The following KCNMA1 variants were observed in gnomAD, a reference collection of about 807,000 sequenced individuals.
KCNMA1 encodes the protein Calcium-activated potassium channel subunit alpha-1.
A neutral mutation model predicts 140.0 loss-of-function variants in KCNMA1; 29 were observed. The ratio of observed to expected loss-of-function variants is 0.21; its 90% CI spans 0.15 to 0.28. The LOEUF (loss-of-function observed/expected upper bound fraction) is 0.28, where lower values mean the gene tolerates loss of function less well. Ranked by LOEUF, KCNMA1 falls within the 10% of genes least tolerant of loss-of-function variation. KCNMA1 has a pLI of 1.00. For synonymous variants in KCNMA1, 612 were observed against 611.9 expected, an observed-to-expected ratio of 1.00 and a Z score of 0.00; for missense variants, 880 against 1,602.2, an observed-to-expected ratio of 0.55 and a Z score of 7.70.
At chr10:77,177,853 A>C (rs143852954) in intron 5 of KCNMA1, among the ~76,000 whole-genome samples, 1 of 152,140 alleles carries the variant, frequency 6.6e-6, no homozygotes, top group Non-Finnish European at 1.5e-5. Context: ...ACCTGCTGTC[A>C]CTGCATGTGT....
chr10:77,146,385 T>A (rs1436092), intron 5 of KCNMA1, among the ~76,000 whole-genome samples: 58,903 of 151,900 alleles, frequency 0.39, 12,611 homozygotes, highest in East Asian at 0.87. Flanking sequence ...GAAACCTGAA[T>A]GTCTATGACT....
intron 1 of KCNMA1, among the ~76,000 whole-genome samples, chr10:77,456,820 G>A (rs755570913): frequency 6.6e-6 from 1 of 152,200 alleles, no homozygotes; most frequent in Non-Finnish European, 1.5e-5. Context: ...GGAACAGACA[G>A]GGGACTCTCC....
chr10:77,167,532 G>A (rs182274576), intron 5 of KCNMA1, among the ~76,000 whole-genome samples: 209 of 151,968 alleles, frequency 1.4e-3, no homozygotes, highest in African/African-American at 4.8e-3. Context: ...CTTGTTTTAA[G>A]GTTTGTTGAG....
intron 3 of KCNMA1, among the ~76,000 whole-genome samples, chr10:77,226,474 A>C (rs1267955034): frequency 6.6e-6 from 1 of 151,806 alleles, no homozygotes; most frequent in African/African-American, 2.4e-5. Flanking sequence ...TCCTGGTTTG[A>C]GATCCCAGCC....
At chr10:77,011,913 A>C in intron 18 of KCNMA1, 54 bp downstream of exon 18, 1 of 1,467,608 alleles carries the variant, frequency 6.8e-7, no homozygotes. Context: ...AGGAAAAGGA[A>C]TTTGGGGAAT....
At chr10:77,060,354 G>A (rs2095694154) in intron 14 of KCNMA1, among the ~76,000 whole-genome samples, 1 of 152,190 alleles carries the variant, frequency 6.6e-6, no homozygotes, top group African/African-American at 2.4e-5. Context: ...AATGGAGTTT[G>A]CCATATTGGA....
chr10:77,172,026 C>A (rs540559674), intron 5 of KCNMA1, among the ~76,000 whole-genome samples: 1 of 152,282 alleles, frequency 6.6e-6, no homozygotes, highest in East Asian at 1.9e-4. Context: ...TAGGGATTTG[C>A]ACACAGTAGG....
At chr10:77,268,672 T>C (rs758716160) in intron 2 of KCNMA1, among the ~76,000 whole-genome samples, 9 of 152,166 alleles carry the variant, frequency 5.9e-5, no homozygotes, top group Non-Finnish European at 1.3e-4. Context: ...TCTGATCCCA[T>C]ACTGAACTCT....
At chr10:77,287,215 C>A (rs996587408) in intron 2 of KCNMA1, among the ~76,000 whole-genome samples, 1 of 152,206 alleles carries the variant, frequency 6.6e-6, no homozygotes, top group East Asian at 1.9e-4. Context: ...GAGTCCTCTC[C>A]GTGCACTGAG....
intron 18 of KCNMA1, among the ~76,000 whole-genome samples, chr10:77,004,623 T>A (rs556058621): frequency 2.0e-5 from 3 of 152,316 alleles, no homozygotes; most frequent in African/African-American, 7.2e-5. Flanking sequence ...TGGTGGTAGA[T>A]GTTCCAGAAG....
chr10:77,224,182 C>T lies in KCNMA1; in HGVS notation c.602+27013G>A, dbSNP rs2154193569. Among the ~76,000 whole-genome samples the T allele has an allele frequency of 2.0e-5, 3 of 152,360 alleles. No individual in the cohort carries two copies. In the South Asian group the frequency reaches 6.2e-4, roughly 32 times the overall value. On this transcript the variant is annotated intron_variant, in intron 3 of 27. Transcript: ENST00000286628. ...ACCTAATTAGCCTTACATGTGTCTG[C>T]TCCCAAAATAGAGAGTCATTTATTC... is the stretch of plus-strand genomic sequence containing the variant.
intron 15 of KCNMA1, 52 bp from the exon 16 acceptor site, chr10:77,027,943 C>T (rs1192710543): frequency 3.6e-6 from 5 of 1,406,166 alleles, no homozygotes; most frequent in Middle Eastern, 1.8e-4. Flanking sequence ...TGACCAGAGC[C>T]ACATAACACA....
At chr10:77,012,401 G>T in intron 17 of KCNMA1, 1 of 1,539,342 alleles carries the variant, frequency 6.5e-7, no homozygotes, top group South Asian at 1.2e-5. Flanking sequence ...GGCCCTTGGT[G>T]GGGAAGTTAA....
At chr10:76,944,633 G>A in intron 23 of KCNMA1, 140 bp downstream of exon 23, 1 of 761,066 alleles carries the variant, frequency 1.3e-6, no homozygotes, top group African/African-American at 1.7e-5. Context: ...ATGCCCCTTT[G>A]AAAGCCATCA....
chr10:77,608,128 G>A (rs892052157), intron 1 of KCNMA1, among the ~76,000 whole-genome samples: 1 of 151,874 alleles, frequency 6.6e-6, no homozygotes, highest in Non-Finnish European at 1.5e-5. Flanking sequence ...TCCTCTGCAC[G>A]TCCCCCTGCA....
chr10:77,453,963 G>GA (rs1296552995), intron 1 of KCNMA1, among the ~76,000 whole-genome samples: 3 of 152,112 alleles, frequency 2.0e-5, no homozygotes, highest in East Asian at 1.9e-4. Flanking sequence ...TCTGTAGTGG[G>GA]AAAAAATTAG....
intron 5 of KCNMA1, among the ~76,000 whole-genome samples, chr10:77,175,118 C>T (rs1336487899): frequency 6.6e-6 from 1 of 152,088 alleles, no homozygotes; most frequent in Admixed American, 6.5e-5. Flanking sequence ...CCCTGGGTCT[C>T]GGTTGAGCTC....
At chr10:76,960,618 GTTTTTTTTTTTT>G (rs55685324) in intron 20 of KCNMA1, among the ~76,000 whole-genome samples, 13 of 59,352 alleles carry the variant, frequency 2.2e-4, no homozygotes, top group East Asian at 1.2e-3. Flanking sequence ...TTATGGTTTT[GTTTTTTTTTTTT>G]TTTTTTTTTT....
chr10:77,519,103 T>A (rs1474350170), intron 1 of KCNMA1, among the ~76,000 whole-genome samples: 1 of 152,238 alleles, frequency 6.6e-6, no homozygotes, highest in Non-Finnish European at 1.5e-5. Flanking sequence ...GACCTTTCCA[T>A]TCAAGCCACA....
Sources: gnomAD v4.1 joint callset for allele counts (sites outside exome capture counted in the v4.1 genomes callset) on GRCh38, gnomAD v4.1.1 for gene constraint, MANE v1.5 for transcripts, NCBI Gene and HGNC (gene_info 2026-07-23, HGNC 2026-07-21) for gene names.